Variants in ADCY1 observed in about 807,000 individuals in gnomAD.
The protein encoded by ADCY1 is adenylate cyclase 1, also known as adenylate cyclase type 1.
Under a neutral mutation model 105.4 loss-of-function variants are expected in ADCY1, and 28 were observed. The ratio of observed to expected loss-of-function variants is 0.27; its 90% CI spans 0.20 to 0.36. ADCY1 has a LOEUF of 0.36. ADCY1 is among the 10% of genes least tolerant of loss of function. The pLI is 1.00. For synonymous variants in ADCY1, 655 were observed against 623.8 expected (o/e 1.05, Z -0.75); for missense variants, 977 against 1,434.2 (o/e 0.68, Z 5.15).
chr7:45,687,626 T>C (rs951106465), intron 14 of ADCY1, among the ~76,000 whole-genome samples: 3 of 152,264 alleles, frequency 2.0e-5, no homozygotes, highest in Non-Finnish European at 4.4e-5. Flanking sequence ...AGAGATAGTC[T>C]TCTTATTTTG....
intron 1 of ADCY1, among the ~76,000 whole-genome samples, chr7:45,583,039 G>A (rs1792606565): frequency 6.6e-6 from 1 of 152,238 alleles, no homozygotes; most frequent in Non-Finnish European, 1.5e-5. Flanking sequence ...GCTGAGAAGA[G>A]CTGTCTGCTT....
chr7:45,663,300 C>T lies in ADCY1; in HGVS notation c.1605+1086C>T, dbSNP rs117422618. ...GCGTCAGGTGGGAGAGTGCATGTGCCGTCTGTGACCTTGGTGCAGCTTTGT... is the reference window on the plus strand; with the variant it reads ...GCGTCAGGTGGGAGAGTGCATGTGCTGTCTGTGACCTTGGTGCAGCTTTGT... On this transcript the variant is annotated intron_variant, in intron 8 of 19. Coordinates refer to ENST00000297323, the MANE Select transcript of ADCY1 (RefSeq NM_021116.4). Among the ~76,000 whole-genome samples the T allele has an allele frequency of 5.2e-3, 792 of 152,338 alleles. 4 individuals carry two copies. Among genetic ancestry groups the T allele is most frequent in the Non-Finnish European group, 8.7e-3 (593 of 68,034 alleles).
At chr7:45,709,290 A>G (rs1038628863) in intron 18 of ADCY1, among the ~76,000 whole-genome samples, 2 of 152,176 alleles carry the variant, frequency 1.3e-5, no homozygotes, top group African/African-American at 2.4e-5. Context: ...CTGAAAATCA[A>G]TCTGATGGTG....
At chr7:45,629,171 A>G (rs1794155174) in intron 4 of ADCY1, among the ~76,000 whole-genome samples, 1 of 152,180 alleles carries the variant, frequency 6.6e-6, no homozygotes, top group African/African-American at 2.4e-5. Context: ...AATAAGTTGG[A>G]ATTTTCTAGA....
intron 1 of ADCY1, among the ~76,000 whole-genome samples, chr7:45,578,249 A>C (rs1394878160): frequency 6.6e-6 from 1 of 152,098 alleles, no homozygotes; most frequent in Non-Finnish European, 1.5e-5. Flanking sequence ...GATGTCCCTG[A>C]GCAGAGAGGT....
At position 45,705,642 on chromosome 7, in the gene ADCY1, C is replaced by T. The variant is rs561061798; in HGVS notation, c.2817+1026C>T. Among the ~76,000 whole-genome samples the T allele has an allele frequency of 6.2e-4, 95 of 152,302 alleles. 1 individual carries two copies. In the Middle Eastern group the frequency reaches 0.02, roughly 33 times the overall value. ...ATACCTAATGGAGGGAAACTAAATG[C>T]TCTCTAAGATGAGAAGCATGGCGAG... On this transcript the variant is annotated intron_variant, in intron 17 of 19. Coordinates refer to ENST00000297323, the MANE Select transcript of ADCY1 (RefSeq NM_021116.4).
chr7:45,699,134 C>A (rs1305003448), intron 14 of ADCY1, among the ~76,000 whole-genome samples: 5 of 152,212 alleles, frequency 3.3e-5, no homozygotes, highest in African/African-American at 1.2e-4. Flanking sequence ...TTGCTGGGCT[C>A]AGCCTGGACA....
intron 19 of ADCY1, among the ~76,000 whole-genome samples, chr7:45,713,016 G>C (rs1031648748): frequency 2.0e-5 from 3 of 152,060 alleles, no homozygotes; most frequent in Non-Finnish European, 4.4e-5. Context: ...CCTGTGAACT[G>C]GCTGGTTTGC....
rs1785346247 is a variant in ADCY1 at position 45,715,755 on chromosome 7, A to T, written c.*1760A>T. Reference sequence around the variant, plus strand: ...GTGATGCCTGGCGCTTCCAGCTGAGACAGGAGTCCGGACAGAGGTGGGCAG... The same window carrying T: ...GTGATGCCTGGCGCTTCCAGCTGAGTCAGGAGTCCGGACAGAGGTGGGCAG... On this transcript the variant is annotated 3_prime_UTR_variant, in exon 20 of 20. Coordinates refer to ENST00000297323, the MANE Select transcript of ADCY1 (RefSeq NM_021116.4). 6.6e-6 allele frequency: 1 copy of T among 152,444 alleles called. No homozygotes were observed. The highest frequency in any genetic ancestry group is 2.1e-4 in the South Asian group (1 of 4,828). The allele number at this position is 152,444 out of a possible 1,614,324, so 9.4% of individuals were successfully genotyped here. A position where few individuals can be genotyped will look rare whatever the true frequency, so the allele number is the denominator to read the frequency against.
chr7:45,687,318 A>G (rs533892391), intron 14 of ADCY1, among the ~76,000 whole-genome samples: 3 of 152,230 alleles, frequency 2.0e-5, no homozygotes, highest in South Asian at 2.1e-4. Flanking sequence ...GATCCTGGCA[A>G]TGACTGCCAG....
At chr7:45,583,552 C>G (rs1029774287) in intron 1 of ADCY1, among the ~76,000 whole-genome samples, 3 of 152,246 alleles carry the variant, frequency 2.0e-5, no homozygotes, top group Non-Finnish European at 4.4e-5. Context: ...ACTCTTCAGC[C>G]TTTGGGAAGT....
At chr7:45,607,130 C>G (rs1218196056) in intron 2 of ADCY1, among the ~76,000 whole-genome samples, 2 of 152,242 alleles carry the variant, frequency 1.3e-5, no homozygotes, top group East Asian at 3.9e-4. Context: ...TGCTGCTAAT[C>G]CAATGGACAG....
At chr7:45,712,601 G>A (rs866650568) in intron 19 of ADCY1, among the ~76,000 whole-genome samples, 5 of 151,856 alleles carry the variant, frequency 3.3e-5, no homozygotes, top group African/African-American at 9.7e-5. Context: ...CCACACTGAC[G>A]GGGGCCAGCC....
intron 7 of ADCY1, 27 bp from the exon 8 acceptor site, chr7:45,662,032 C>G: frequency 6.2e-7 from 1 of 1,606,146 alleles, no homozygotes; most frequent in Non-Finnish European, 8.5e-7. Context: ...CACAGCATTT[C>G]TCCTTGCCCC....
In ADCY1 at chr7:45,717,532, T is replaced by C. The variant is rs1453799817; in HGVS notation, c.*3537T>C. The C allele has an allele frequency of 6.6e-6, 1 of 152,432 alleles. No homozygotes were observed. Among genetic ancestry groups the C allele is most frequent in the African/African-American group, 2.4e-5 (1 of 41,452 alleles). 9.4% of individuals were successfully genotyped at this position (152,432 alleles called of 1,614,324 possible). A position where few individuals can be genotyped will look rare whatever the true frequency, so the allele number is the denominator to read the frequency against. On this transcript the variant is annotated 3_prime_UTR_variant, in exon 20 of 20. Coordinates refer to ENST00000297323, the MANE Select transcript of ADCY1 (RefSeq NM_021116.4). ...TTTATTGAAGAGGCTTTGTAAATAG[T>C]GCACCAGTGACAGGTGCTGCCTGTT...
At chr7:45,636,627 G>T (rs1448245604) in intron 4 of ADCY1, among the ~76,000 whole-genome samples, 6 of 152,100 alleles carry the variant, frequency 3.9e-5, no homozygotes, top group Non-Finnish European at 8.8e-5. Flanking sequence ...TGTAACCTCC[G>T]CCTCCCGGGT....
At chr7:45,694,007 C>T (rs1398111736) in intron 14 of ADCY1, among the ~76,000 whole-genome samples, 32 of 128,070 alleles carry the variant, frequency 2.5e-4, no homozygotes, top group African/African-American at 8.8e-4. Context: ...GGAGACATAC[C>T]TAATGCTAGA....
intron 14 of ADCY1, among the ~76,000 whole-genome samples, chr7:45,700,761 C>T (rs1784981961): frequency 6.6e-6 from 1 of 152,216 alleles, no homozygotes; most frequent in South Asian, 2.1e-4. Flanking sequence ...GACCACCCTC[C>T]CTTGGCTGTT....
intron 3 of ADCY1, among the ~76,000 whole-genome samples, chr7:45,610,817 T>TGAAAGGGTG: frequency 2.1e-5 from 1 of 48,710 alleles, no homozygotes; most frequent in Admixed American, 2.3e-4. Flanking sequence ...ATGGTGGAGG[T>TGAAAGGGTG]ATGGAGGTGA....
Sources: gnomAD v4.1 joint callset for allele counts (sites outside exome capture counted in the v4.1 genomes callset) on GRCh38, gnomAD v4.1.1 for gene constraint, MANE v1.5 for transcripts, NCBI Gene and HGNC (gene_info 2026-07-23, HGNC 2026-07-21) for gene names.